Variants in MYF5 observed in about 807,000 individuals in gnomAD.
MYF5 encodes class C basic helix-loop-helix protein 2.
In MYF5, 20 loss-of-function variants were observed where a neutral mutation model predicts 22.3. The ratio of observed to expected loss-of-function variants is 0.90; its 90% CI spans 0.63 to 1.30. MYF5 has a LOEUF of 1.30. Among genes scored for constraint, MYF5 ranks in the 50% most tolerant of loss-of-function variants. The probability of loss-of-function intolerance (pLI) is 0.00; values close to 1 mark genes in which losing one functional copy is unlikely to be tolerated. For synonymous variants in MYF5, 141 were observed against 128.4 expected (o/e 1.10, Z -0.66); for missense variants, 348 against 325.9 (o/e 1.07, Z -0.52).
rs1565864682 is a variant in MYF5 at position 80,717,315 on chromosome 12, G to A, written c.252G>A (p.Arg84=). The change falls in exon 1 of 3, where the codon CGG becomes CGA. Residue 84 remains arginine (R), a synonymous_variant. Transcript: ENST00000228644. ...ACKRKSTTMD[R]RKAATMRERR... ...AGAGGAAGTCCACCACCATGGATCG[G>A]CGGAAGGCAGCCACTATGCGCGAGC... 1.2e-6 allele frequency: 2 copies of A among 1,613,996 alleles called. No individual in the cohort carries two copies. Among genetic ancestry groups the A allele is most frequent in the African/African-American group, 1.3e-5 (1 of 74,936 alleles).
chr12:80,718,380 G>T lies in MYF5; in HGVS notation c.524G>T (p.Trp175Leu). Residue 175 changes from tryptophan to leucine, a missense_variant, in exon 2 of 3, where the codon TGG becomes TTG. Coordinates refer to ENST00000228644, the MANE Select transcript of MYF5 (RefSeq NM_005593.3). ...TAGCCCGAATGTAACAGTCCTGTCT[G>T]GTCCAGAAAGAGCAGTACTTTTGAC... ...DGMPECNSPV[W>L]SRKSSTFDSI... 6.2e-7 allele frequency: 1 copy of T among 1,614,022 alleles called. No homozygotes were observed. Among genetic ancestry groups the T allele is most frequent in the Non-Finnish European group, 8.5e-7 (1 of 1,179,902 alleles).
In MYF5 at chr12:80,717,451, T is replaced by C; in HGVS notation, c.388T>C (p.Tyr130His). 1 of 1,614,174 alleles carries C rather than the reference T, an allele frequency of 6.2e-7. No homozygotes were observed. The highest frequency in any genetic ancestry group is 8.5e-7 in the Non-Finnish European group (1 of 1,180,032). The change falls in exon 1 of 3, where the codon TAC becomes CAC. Residue 130 changes from tyrosine (Y) to histidine (H), a missense_variant. Coordinates refer to ENST00000228644, the MANE Select transcript of MYF5 (RefSeq NM_005593.3). ...KVEILRNAIR[Y>H]IESLQELLRE... is the part of the protein sequence containing the mutation. Reference sequence around the variant, plus strand: ...GGAGATCCTCAGGAATGCCATCCGCTACATCGAGAGCCTGCAGGAGTTGCT... The same window carrying C: ...GGAGATCCTCAGGAATGCCATCCGCCACATCGAGAGCCTGCAGGAGTTGCT...
At position 80,717,004 on chromosome 12, in the gene MYF5, C is replaced by T; in HGVS notation, c.-60C>T. On this transcript the variant is annotated 5_prime_UTR_variant, in exon 1 of 3. Coordinates refer to ENST00000228644, the MANE Select transcript of MYF5 (RefSeq NM_005593.3). ...TTTGCCCATCGGCGGAGGCGCCAGG[C>T]TCCCGTTTCTCCCCATCCCTCTCGC... 1.3e-6 allele frequency: 2 copies of T among 1,536,568 alleles called. No individual in the cohort carries two copies. Among genetic ancestry groups the T allele is most frequent in the Non-Finnish European group, 1.7e-6 (2 of 1,144,794 alleles).
chr12:80,718,260 C>T (rs1024037256), intron 1 of MYF5, 98 bp from the exon 2 acceptor site: 3 of 937,950 alleles, frequency 3.2e-6, no homozygotes, highest in South Asian at 1.4e-5. Flanking sequence ...TGACAGTGTT[C>T]GGTTACAGAG....
rs773706030 is a variant in MYF5 at position 80,717,610 on chromosome 12, A to G, written c.501+46A>G. Reference sequence around the variant, plus strand: ...CTGCTAGGCTACCCTAATCTTTTCTAAAGTCCTTACACCTCATTTAACCTG... The same window carrying G: ...CTGCTAGGCTACCCTAATCTTTTCTGAAGTCCTTACACCTCATTTAACCTG... On this transcript the variant is annotated intron_variant, in intron 1 of 2. Transcript: ENST00000228644. 6 of 1,585,442 alleles carry G rather than the reference A, an allele frequency of 3.8e-6. 1 individual carries two copies. The African/African-American group carries it at 4.0e-5, about 11-fold the overall frequency.
At chr12:80,717,590 A>G in intron 1 of MYF5, 26 bp downstream of exon 1, 1 of 1,603,170 alleles carries the variant, frequency 6.2e-7, no homozygotes, top group Non-Finnish European at 8.5e-7. Context: ...GGTACCTGCT[A>G]GGCTACCCTA....
chr12:80,717,565 G>A lies in MYF5; in HGVS notation c.501+1G>A. 6.2e-7 allele frequency: 1 copy of A among 1,613,210 alleles called. No individual in the cohort carries two copies. The highest frequency in any genetic ancestry group is 8.5e-7 in the Non-Finnish European group (1 of 1,179,362). ...CACCTCCAACTGCTCTGATGGCATG[G>A]TAAGCAATAGATCTGGTACCTGCTA... On this transcript the variant is annotated splice_donor_variant, in intron 1 of 2. Coordinates refer to ENST00000228644, the MANE Select transcript of MYF5 (RefSeq NM_005593.3). LOFTEE classifies it high-confidence loss of function.
Position 80,717,038 on chromosome 12 carries a change from A to T in MYF5, c.-26A>T. The T allele has an allele frequency of 6.4e-7, 1 of 1,574,266 alleles. No individual in the cohort carries two copies. The highest frequency in any genetic ancestry group is 8.6e-7 in the Non-Finnish European group (1 of 1,160,746). On this transcript the variant is annotated 5_prime_UTR_variant, in exon 1 of 3. Coordinates refer to ENST00000228644, the MANE Select transcript of MYF5 (RefSeq NM_005593.3). ...CTCCCCATCCCTCTCGCTGCCGTCC[A>T]GGTGCACCGCCTGCCTCTCAGCAGG...
At chr12:80,718,746 G>A (rs1312720088) in intron 2 of MYF5, 115 bp from the exon 3 acceptor site, 3 of 895,290 alleles carry the variant, frequency 3.4e-6, no homozygotes, top group Non-Finnish European at 5.1e-6. Flanking sequence ...GGCTTTCTGT[G>A]ACCACCTGAC....
chr12:80,717,462 C>T lies in MYF5; in HGVS notation c.399C>T (p.Ser133=), dbSNP rs148473470. Residue 133 remains serine (S), a synonymous_variant, in exon 1 of 3, where the codon AGC becomes AGT. Transcript: ENST00000228644. ...ILRNAIRYIE[S]LQELLREQVE... ...GGAATGCCATCCGCTACATCGAGAG[C>T]CTGCAGGAGTTGCTGAGAGAGCAGG... 1.7e-5 allele frequency: 27 copies of T among 1,614,086 alleles called. No individual in the cohort carries two copies. The highest frequency in any genetic ancestry group is 2.3e-5 in the Non-Finnish European group (27 of 1,180,050).
chr12:80,718,714 T>C (rs1868670048), intron 2 of MYF5, 147 bp from the exon 3 acceptor site: 1 of 712,116 alleles, frequency 1.4e-6, no homozygotes, highest in Non-Finnish European at 2.3e-6. Context: ...TTGCCAGATA[T>C]TTGTTGCAAA....
rs1272930102 is a variant in MYF5, at chr12:80,717,337, G to T, written c.274G>T (p.Glu92Ter). Reference protein sequence around the residue: ...MDRRKAATMRERRRLKKVNQA... With the variant: ...MDRRKAATMR ...TCGGCGGAAGGCAGCCACTATGCGC[G>T]AGCGGAGGCGCCTGAAGAAGGTCAA... The change falls in exon 1 of 3, where the codon GAG (glutamate) becomes TAG (stop). Residue 92 changes from glutamate (E) to a stop codon, truncating the protein, a stop_gained. Coordinates refer to ENST00000228644, the MANE Select transcript of MYF5 (RefSeq NM_005593.3). LOFTEE classifies it high-confidence loss of function. 1.9e-6 allele frequency: 3 copies of T among 1,613,892 alleles called. No individual in the cohort carries two copies. The highest frequency in any genetic ancestry group is 2.5e-6 in the Non-Finnish European group (3 of 1,180,018).
intron 2 of MYF5, 55 bp from the exon 3 acceptor site, chr12:80,718,806 A>C: frequency 6.9e-7 from 1 of 1,446,482 alleles, no homozygotes; most frequent in South Asian, 1.3e-5. Flanking sequence ...AACATAAGCA[A>C]ATCTGTCTAT....
intron 1 of MYF5, 49 bp from the exon 2 acceptor site, chr12:80,718,309 C>A: frequency 6.6e-7 from 1 of 1,509,062 alleles, no homozygotes; most frequent in South Asian, 1.1e-5. Context: ...GTCAGAACAT[C>A]TTTTGCCAAG....
intron 2 of MYF5, 50 bp downstream of exon 2, chr12:80,718,483 A>G (rs772019735): frequency 4.3e-6 from 6 of 1,407,264 alleles, no homozygotes; most frequent in Middle Eastern, 1.7e-4. Flanking sequence ...CAACCTAACA[A>G]TTCAGCCTAT....
Position 80,717,107 on chromosome 12 carries a change from T to C in MYF5, c.44T>C (p.Phe15Ser). The change falls in exon 1 of 3, where the codon TTC becomes TCC. Residue 15 changes from phenylalanine (F) to serine (S), a missense_variant. Phe to Ser is a radical substitution (Grantham distance 155). Transcript: ENST00000228644. ...DGCQFSPSEY[F>S]YDGSCIPSPE... Reference sequence around the variant, plus strand: ...TGCCAGTTCTCACCTTCTGAGTACTTCTACGACGGCTCCTGCATACCGTCC... The same window carrying C: ...TGCCAGTTCTCACCTTCTGAGTACTCCTACGACGGCTCCTGCATACCGTCC... 1 of 1,612,020 alleles carries C rather than the reference T, an allele frequency of 6.2e-7. No individual in the cohort carries two copies. Among genetic ancestry groups the C allele is most frequent in the South Asian group, 1.1e-5 (1 of 91,088 alleles).
chr12:80,718,794 G>T, intron 2 of MYF5, 67 bp from the exon 3 acceptor site: 1 of 1,345,026 alleles, frequency 7.4e-7, no homozygotes. Flanking sequence ...AATTTAAGGA[G>T]CAACATAAGC....
At chr12:80,718,730 A>G (rs1185710477) in intron 2 of MYF5, 131 bp from the exon 3 acceptor site, 2 of 786,830 alleles carry the variant, frequency 2.5e-6, no homozygotes, top group South Asian at 1.8e-5. Context: ...GCAAATTTCT[A>G]TGTTAGGCTT....
intron 2 of MYF5, 101 bp downstream of exon 2, chr12:80,718,534 G>T: frequency 9.4e-7 from 1 of 1,067,934 alleles, no homozygotes; most frequent in East Asian, 2.4e-5. Context: ...AAGGGAGAAT[G>T]GAAGTGATGG....
Sources: allele counts gnomAD v4.1 joint callset, GRCh38; gene constraint gnomAD v4.1.1; transcripts MANE v1.5; gene names NCBI Gene and HGNC (gene_info 2026-07-23, HGNC 2026-07-21).